The following CDH12 variants were observed in gnomAD, a reference collection of about 807,000 sequenced individuals.
The protein encoded by CDH12 is cadherin-12.
CDH12 carries 41 observed loss-of-function variants against 74.1 expected under a neutral mutation model. That is an observed-to-expected ratio of 0.55 (90% CI 0.43 to 0.72). The LOEUF is 0.72. CDH12 is among the 30% of genes least tolerant of loss of function. The probability of loss-of-function intolerance (pLI) is 0.00; values close to 1 mark genes in which losing one functional copy is unlikely to be tolerated. For missense variants in CDH12, 945 were observed against 977.2 expected, an observed-to-expected ratio of 0.97 and a Z score of 0.44; for synonymous variants, 399 against 355.0, an observed-to-expected ratio of 1.12 and a Z score of -1.39.
intron 1 of CDH12, among the ~76,000 whole-genome samples, chr5:22,771,165 C>T (rs1430212839): frequency 6.6e-6 from 1 of 151,960 alleles, no homozygotes; most frequent in African/African-American, 2.4e-5. Flanking sequence ...TTGTCAAATC[C>T]TTGAGAAGAT....
intron 1 of CDH12, among the ~76,000 whole-genome samples, chr5:22,645,592 A>G (rs1739397395): frequency 6.6e-6 from 1 of 152,100 alleles, no homozygotes; most frequent in Non-Finnish European, 1.5e-5. Flanking sequence ...GCAATAGTCA[A>G]GTTTGAGAAG....
intron 2 of CDH12, among the ~76,000 whole-genome samples, chr5:22,493,766 A>T (rs1423866103): frequency 6.6e-6 from 1 of 152,196 alleles, no homozygotes; most frequent in Non-Finnish European, 1.5e-5. Context: ...AATACACTGA[A>T]CTGAGAATGG....
At chr5:22,245,925 C>G (rs1488073325) in intron 3 of CDH12, among the ~76,000 whole-genome samples, 1 of 152,030 alleles carries the variant, frequency 6.6e-6, no homozygotes, top group African/African-American at 2.4e-5. Context: ...AGATTTATGA[C>G]CTAGAACACT....
chr5:22,665,754 G>T (rs531224823), intron 1 of CDH12, among the ~76,000 whole-genome samples: 9 of 151,778 alleles, frequency 5.9e-5, no homozygotes, highest in African/African-American at 2.2e-4. Context: ...ATCTTTATTG[G>T]TAGCTGTTGA....
At chr5:22,076,936 T>C (rs955884088) in intron 5 of CDH12, among the ~76,000 whole-genome samples, 1 of 152,114 alleles carries the variant, frequency 6.6e-6, no homozygotes, top group Non-Finnish European at 1.5e-5. Flanking sequence ...ATAAGTGCCC[T>C]GTGGATCTTT....
In CDH12 at chr5:22,654,672, G is replaced by A. The variant is rs181150590; in HGVS notation, c.-522-149308C>T. 2.0e-5 allele frequency among the ~76,000 whole-genome samples: 3 copies of A among 146,780 alleles called. No individual in the cohort carries two copies. The Admixed American group carries it at 2.1e-4, about 10-fold the overall frequency. ...GTTGTTTTGAGACAGTTTCGCTCTTGTTGCCTAGGCTGGAGTGCAATGTCT... is the reference window on the plus strand; with the variant it reads ...GTTGTTTTGAGACAGTTTCGCTCTTATTGCCTAGGCTGGAGTGCAATGTCT... On this transcript the variant is annotated intron_variant, in intron 1 of 14. Transcript: ENST00000382254.
intron 4 of CDH12, among the ~76,000 whole-genome samples, chr5:22,198,247 G>T (rs184689157): frequency 6.6e-6 from 1 of 151,680 alleles, no homozygotes; most frequent in Non-Finnish European, 1.5e-5. Context: ...CCCCAAAAAC[G>T]TACTGATAGT....
chr5:22,244,502 A>G (rs1378099749), intron 3 of CDH12, among the ~76,000 whole-genome samples: 1 of 23,238 alleles, frequency 4.3e-5, no homozygotes, highest in African/African-American at 1.7e-4. Context: ...CTCAAAAAAA[A>G]AAAAAAAAAA....
intron 2 of CDH12, among the ~76,000 whole-genome samples, chr5:22,438,252 G>A (rs1033279141): frequency 5.0e-4 from 76 of 151,754 alleles, no homozygotes; most frequent in African/African-American, 1.8e-3. Context: ...AATTTGAATC[G>A]AACAACAAAT....
chr5:22,002,428 T>C (rs1477328335), intron 5 of CDH12, among the ~76,000 whole-genome samples: 3 of 152,256 alleles, frequency 2.0e-5, no homozygotes, highest in Non-Finnish European at 4.4e-5. Context: ...ATTTTAATAA[T>C]GCAGTTTTCC....
intron 3 of CDH12, among the ~76,000 whole-genome samples, chr5:22,302,998 C>A (rs537271922): frequency 1.3e-5 from 2 of 152,072 alleles, no homozygotes; most frequent in Non-Finnish European, 2.9e-5. Context: ...GTGTATACTG[C>A]TTTGGCTAAT....
chr5:21,952,414 C>A (rs1428013721), intron 6 of CDH12, among the ~76,000 whole-genome samples: 1 of 152,118 alleles, frequency 6.6e-6, no homozygotes, highest in Non-Finnish European at 1.5e-5. Flanking sequence ...GATATAAAAG[C>A]ACTAGGATAT....
rs547840027 is a variant in CDH12, at chr5:22,158,691, T to A, written c.-187+53807A>T. 2.0e-4 allele frequency among the ~76,000 whole-genome samples: 31 copies of A among 152,218 alleles called. No individual in the cohort carries two copies. In the East Asian group the frequency reaches 2.5e-3, roughly 12 times the overall value. ...CCGTGTACACCTTACTTTTATATCA[T>A]TATGACAGAATACACTTTTTGTTTG... On this transcript the variant is annotated intron_variant, in intron 4 of 14. Transcript: ENST00000382254.
chr5:22,566,951 G>A (rs1739317507), intron 1 of CDH12, among the ~76,000 whole-genome samples: 1 of 152,094 alleles, frequency 6.6e-6, no homozygotes, highest in Admixed American at 6.5e-5. Flanking sequence ...ATACTCCTAT[G>A]ACATTACCCA....
At chr5:22,063,413 T>C (rs1183995170) in intron 5 of CDH12, among the ~76,000 whole-genome samples, 1 of 152,140 alleles carries the variant, frequency 6.6e-6, no homozygotes, top group African/African-American at 2.4e-5. Context: ...AAATACACAA[T>C]AATGAATCAA....
At chr5:21,785,107 A>G (rs1210511213) in intron 10 of CDH12, among the ~76,000 whole-genome samples, 1 of 152,168 alleles carries the variant, frequency 6.6e-6, no homozygotes, top group South Asian at 2.1e-4. Flanking sequence ...AGGGTGATCT[A>G]TGAACAGTGA....
chr5:21,835,991 G>T (rs535362211), intron 8 of CDH12, among the ~76,000 whole-genome samples: 1 of 151,680 alleles, frequency 6.6e-6, no homozygotes, highest in South Asian at 2.1e-4. Flanking sequence ...ATATATATGT[G>T]TACATATATA....
intron 1 of CDH12, among the ~76,000 whole-genome samples, chr5:22,822,739 G>A (rs1187199662): frequency 6.6e-6 from 1 of 152,128 alleles, no homozygotes; most frequent in Non-Finnish European, 1.5e-5. Flanking sequence ...AACAACAGGT[G>A]CTGGAGAGGA....
chr5:22,223,239 T>C (rs564708070), intron 3 of CDH12, among the ~76,000 whole-genome samples: 1 of 152,140 alleles, frequency 6.6e-6, no homozygotes, highest in Admixed American at 6.6e-5. Flanking sequence ...TGCAGTTTGG[T>C]AGCAAGCATG....
Sources: allele counts gnomAD v4.1 joint callset (sites outside exome capture counted in the v4.1 genomes callset), GRCh38; gene constraint gnomAD v4.1.1; transcripts MANE v1.5; gene names NCBI Gene and HGNC (gene_info 2026-07-23, HGNC 2026-07-21).